The following ALDH2 variants were observed in gnomAD, a reference collection of about 807,000 sequenced individuals.
ALDH2 encodes the protein aldehyde dehydrogenase 2 family member, also known as aldehyde dehydrogenase, mitochondrial.
A neutral mutation model predicts 59.6 loss-of-function variants in ALDH2; 44 were observed. The ratio of observed to expected loss-of-function variants is 0.74; its 90% CI spans 0.58 to 0.95. The LOEUF (loss-of-function observed/expected upper bound fraction) is 0.95. Among genes scored for constraint, ALDH2 ranks in the 40% least tolerant of loss-of-function variants. The probability of loss-of-function intolerance (pLI) is 0.00; values close to 1 mark genes in which losing one functional copy is unlikely to be tolerated. For missense variants in ALDH2, 570 were observed against 696.3 expected (o/e 0.82, Z 2.04); for synonymous variants, 291 against 284.0 (o/e 1.02, Z -0.25).
intron 6 of ALDH2, among the ~76,000 whole-genome samples, chr12:111,790,919 T>G (rs1190109594): frequency 2.0e-5 from 3 of 152,062 alleles, no homozygotes; most frequent in Non-Finnish European, 4.4e-5. Flanking sequence ...CTGGGTGGCA[T>G]GCACCTGTAG....
In ALDH2 at chr12:111,781,920, T is replaced by G. The variant is rs200757003; in HGVS notation, c.117T>G (p.Ile39Met). ...NQQPEVFCNQ[I>M]FINNEWHDAV... is the part of the protein sequence containing the mutation. ...AACTTCTTTCCTTCTCATTGTAGAT[T>G]TTCATAAACAATGAATGGCACGATG... The change falls in exon 2 of 13, where the codon ATT becomes ATG. Residue 39 changes from isoleucine to methionine, a missense_variant and splice_region_variant. Transcript: ENST00000261733. The G allele has an allele frequency of 1.6e-4, 265 of 1,612,846 alleles. 1 individual carries two copies. The highest frequency in any genetic ancestry group is 6.5e-5 in the Non-Finnish European group (77 of 1,179,046).
rs771107373 is a variant in ALDH2, at chr12:111,799,979, C to T, written c.1322C>T (p.Thr441Met). Reference sequence around the variant, plus strand: ...GTTGTTGGGAGAGCCAACAATTCCACGTACGGGCTGGCCGCAGCTGTCTTC... The same window carrying T: ...GTTGTTGGGAGAGCCAACAATTCCATGTACGGGCTGGCCGCAGCTGTCTTC... ...EEVVGRANNS[T>M]YGLAAAVFTK... is the part of the protein sequence containing the mutation. Residue 441 changes from threonine to methionine, a missense_variant, in exon 11 of 13, where the codon ACG becomes ATG. Physicochemically the swap from Thr to Met is moderately conservative, Grantham distance 81 (BLOSUM62 -1). Transcript: ENST00000261733. The T allele has an allele frequency of 1.2e-5, 20 of 1,613,900 alleles. 1 individual carries two copies. The highest frequency in any genetic ancestry group is 4.5e-5 in the East Asian group (2 of 44,896).
At position 111,769,722 on chromosome 12, in the gene ALDH2, C is replaced by T. The variant is rs532908065; in HGVS notation, c.114+2626C>T. Among the ~76,000 whole-genome samples, 12 of 152,044 alleles carry T rather than the reference C, an allele frequency of 7.9e-5. No homozygotes were observed. In the South Asian group the frequency reaches 8.3e-4, roughly 11 times the overall value. On this transcript the variant is annotated intron_variant, in intron 1 of 12. Coordinates refer to ENST00000261733, the MANE Select transcript of ALDH2 (RefSeq NM_000690.4). ...ACCACAGAGCATTCTACTCTGGTGG[C>T]GCCGTGCTGGAACTGGACCTCTTAG...
intron 1 of ALDH2, among the ~76,000 whole-genome samples, chr12:111,769,208 A>G (rs995244481): frequency 6.6e-5 from 10 of 152,172 alleles, no homozygotes; most frequent in African/African-American, 2.2e-4. Flanking sequence ...TTTTGAGATC[A>G]TTAAAGTAAC....
At position 111,766,974 on chromosome 12, in the gene ALDH2, C is replaced by G. The variant is rs1317508410; in HGVS notation, c.-9C>G. 2 of 1,520,808 alleles carry G rather than the reference C, an allele frequency of 1.3e-6. No homozygotes were observed. Among genetic ancestry groups the G allele is most frequent in the Non-Finnish European group, 1.8e-6 (2 of 1,140,856 alleles). The allele number at this position is 1,520,808 out of a possible 1,614,324, so 94.2% of individuals were successfully genotyped here. On this transcript the variant is annotated 5_prime_UTR_variant, in exon 1 of 13. Coordinates refer to ENST00000261733, the MANE Select transcript of ALDH2 (RefSeq NM_000690.4). ...TCTCGGTCCGCTCGCTGTCCGCTAG[C>G]CCGCTGCGATGTTGCGCGCTGCCGC...
rs1317910293 is a variant in ALDH2, at chr12:111,799,780, C to T, written c.1249-126C>T. On this transcript the variant is annotated intron_variant, in intron 10 of 12. Coordinates refer to ENST00000261733, the MANE Select transcript of ALDH2 (RefSeq NM_000690.4). The stretch of plus-strand genomic sequence containing the variant: ...TGAGCTTGATGGCTGTTGTCTTCCC[C>T]TGGAACTGTTAGAGCATGGCTGGGG... The T allele has an allele frequency of 2.5e-6, 3 of 1,195,272 alleles. No individual in the cohort carries two copies. In the African/African-American group the frequency reaches 4.6e-5, roughly 18 times the overall value. 74.0% of individuals were successfully genotyped at this position (1,195,272 alleles called of 1,614,324 possible).
intron 1 of ALDH2, among the ~76,000 whole-genome samples, chr12:111,778,366 G>A (rs977685035): frequency 2.0e-5 from 3 of 152,066 alleles, no homozygotes; most frequent in Non-Finnish European, 4.4e-5. Flanking sequence ...CCAACATGGT[G>A]AAACCCCGTC....
intron 11 of ALDH2, among the ~76,000 whole-genome samples, chr12:111,802,806 G>A (rs1274066515): frequency 1.4e-5 from 2 of 147,452 alleles, no homozygotes; most frequent in Non-Finnish European, 3.0e-5. Flanking sequence ...CGTGAACCTG[G>A]GAGGCGGAGC....
At chr12:111,790,032 C>A in intron 5 of ALDH2, 98 bp downstream of exon 5, 2 of 1,151,996 alleles carry the variant, frequency 1.7e-6, no homozygotes, top group Non-Finnish European at 2.5e-6. Context: ...GGAAGGCAGC[C>A]TGGGTGGCAG....
At chr12:111,792,195 G>A in intron 8 of ALDH2, 32 bp downstream of exon 8, 4 of 1,529,882 alleles carry the variant, frequency 2.6e-6, no homozygotes, top group Non-Finnish European at 3.6e-6. Flanking sequence ...GCCTGGCCTT[G>A]AAGGTAGCCC....
In ALDH2 at chr12:111,792,740, G is replaced by A; in HGVS notation, c.1041G>A (p.Val347=). 1 of 1,565,964 alleles carries A rather than the reference G, an allele frequency of 6.4e-7. No individual in the cohort carries two copies. The highest frequency in any genetic ancestry group is 8.7e-7 in the Non-Finnish European group (1 of 1,155,856). Residue 347 remains valine, a synonymous_variant, in exon 9 of 13, where the codon GTG becomes GTA. Transcript: ENST00000261733. ...ERSVARAKSR[V]VGNPFDSKTE... is the part of the protein sequence containing the mutation. Reference sequence around the variant, plus strand: ...GCGTTGCCCGGGCCAAGTCTCGGGTGGTCGGGAACCCCTTTGATAGCAAGA... The same window carrying A: ...GCGTTGCCCGGGCCAAGTCTCGGGTAGTCGGGAACCCCTTTGATAGCAAGA...
At chr12:111,792,552 C>T (rs770789545) in intron 8 of ALDH2, 46 bp from the exon 9 acceptor site, 11 of 1,583,816 alleles carry the variant, frequency 6.9e-6, no homozygotes, top group Middle Eastern at 1.7e-4. Context: ...GGGCCAGGGT[C>T]CTCCTCCTCA....
At position 111,815,419 on chromosome 12, in the gene ALDH2, G is replaced by A. The variant is rs1015313373; in HGVS notation, c.*5844G>A. ...AGGGTTTCACTATGTAGCTCAGGCT[G>A]GTCTTCAGCTCCTGGCTTGAAGTGA... On this transcript the variant is annotated 3_prime_UTR_variant, in exon 13 of 13. Transcript: ENST00000261733. The A allele has an allele frequency of 6.6e-6, 1 of 152,142 alleles. No individual in the cohort carries two copies. Among genetic ancestry groups the A allele is most frequent in the African/African-American group, 2.4e-5 (1 of 41,424 alleles). The allele number at this position is 152,142 out of a possible 1,614,324, so 9.4% of individuals were successfully genotyped here. A position where few individuals can be genotyped will look rare whatever the true frequency, so the allele number is the denominator to read the frequency against.
rs1339747173 is a variant in ALDH2, at chr12:111,814,583, G to A, written c.*5008G>A. ...GTGGCCAGGTGGTGCCATGGCTCAT[G>A]CCTGTAATCTCAGCATTTTGGGATA... On this transcript the variant is annotated 3_prime_UTR_variant, in exon 13 of 13. Coordinates refer to ENST00000261733, the MANE Select transcript of ALDH2 (RefSeq NM_000690.4). 1 of 150,118 alleles carries A rather than the reference G, an allele frequency of 6.7e-6. No homozygotes were observed. The highest frequency in any genetic ancestry group is 2.5e-5 in the African/African-American group (1 of 40,764). 9.3% of individuals were successfully genotyped at this position (150,118 alleles called of 1,614,324 possible). A position where few individuals can be genotyped will look rare whatever the true frequency, so the allele number is the denominator to read the frequency against.
chr12:111,785,436 A>G (rs954874010), intron 4 of ALDH2, 90 bp downstream of exon 4: 2 of 1,203,312 alleles, frequency 1.7e-6, no homozygotes, highest in Non-Finnish European at 2.4e-6. Flanking sequence ...ACAAAAATTC[A>G]AAAGGGGCAG....
chr12:111,771,174 T>C (rs2068196958), intron 1 of ALDH2, among the ~76,000 whole-genome samples: 1 of 152,018 alleles, frequency 6.6e-6, no homozygotes, highest in Non-Finnish European at 1.5e-5. Flanking sequence ...GGTGGGAAGA[T>C]TGCTTAACCC....
chr12:111,812,273 G>A lies in ALDH2; in HGVS notation c.*2698G>A, dbSNP rs964537131. The A allele has an allele frequency of 6.6e-6, 1 of 152,188 alleles. No homozygotes were observed. The highest frequency in any genetic ancestry group is 1.5e-5 in the Non-Finnish European group (1 of 68,082). 9.4% of individuals were successfully genotyped at this position (152,188 alleles called of 1,614,324 possible). On this transcript the variant is annotated 3_prime_UTR_variant, in exon 13 of 13. Transcript: ENST00000261733. ...ACGGTTAGGCCTCCGGATAACTAAT[G>A]ATTAATGATATTCATATATAATCAT...
chr12:111,800,487 C>T (rs192979892), intron 11 of ALDH2, among the ~76,000 whole-genome samples: 185 of 152,126 alleles, frequency 1.2e-3, no homozygotes, highest in Middle Eastern at 0.01. Flanking sequence ...CTGTGGGGTG[C>T]GATTATAGCT....
intron 1 of ALDH2, among the ~76,000 whole-genome samples, chr12:111,770,016 C>A (rs1219015436): frequency 6.6e-6 from 1 of 151,982 alleles, no homozygotes; most frequent in Non-Finnish European, 1.5e-5. Context: ...TGGTGGCGCG[C>A]ACCTGTAATC....
Sources: allele counts gnomAD v4.1 joint callset (sites outside exome capture counted in the v4.1 genomes callset), GRCh38; gene constraint gnomAD v4.1.1; transcripts MANE v1.5; gene names NCBI Gene and HGNC (gene_info 2026-07-23, HGNC 2026-07-21).